TBL1XR1: variants seen among roughly 807,000 people sequenced by gnomAD.
The protein encoded by TBL1XR1 is TBL1X/Y related 1, also known as F-box-like/WD repeat-containing protein TBL1XR1.
TBL1XR1 carries 5 observed loss-of-function variants against 66.9 expected under a neutral mutation model. That is an observed-to-expected ratio of 0.07 (90% CI 0.04 to 0.16). The LOEUF (loss-of-function observed/expected upper bound fraction) is 0.16. Ranked by LOEUF, TBL1XR1 falls within the 10% of genes least tolerant of loss-of-function variation. The pLI, the probability that TBL1XR1 is intolerant of heterozygous loss-of-function variation, is 1.00. For missense variants in TBL1XR1, 238 were observed against 623.2 expected, an observed-to-expected ratio of 0.38 and a Z score of 6.58; for synonymous variants, 210 against 206.0, an observed-to-expected ratio of 1.02 and a Z score of -0.17.
At chr3:177,031,285 T>TA in intron 14 of TBL1XR1, among the ~76,000 whole-genome samples, 1 of 151,790 alleles carries the variant, frequency 6.6e-6, no homozygotes. Context: ...AATATGGGAG[T>TA]AGAGGTAAGG....
At chr3:177,043,551 T>G (rs1040255939) in intron 10 of TBL1XR1, among the ~76,000 whole-genome samples, 10 of 152,178 alleles carry the variant, frequency 6.6e-5, no homozygotes, top group African/African-American at 2.4e-4. Context: ...GCATGGTATT[T>G]ATTTTTACAT....
rs571361204 is a variant in TBL1XR1 at position 177,187,943 on chromosome 3, C to CTTTTTT, written c.-122+9172_-122+9177dup. On this transcript the variant is annotated intron_variant, in intron 1 of 15. Transcript: ENST00000457928. ...GCTTGAGAGTCCAGAGTACAATTTC[C>CTTTTTT]TTTTTTTTTTTTTTTTTTTTTTTTG... Among the ~76,000 whole-genome samples the CTTTTTT allele has an allele frequency of 2.3e-3, 180 of 77,820 alleles. 8 individuals carry two copies. Among genetic ancestry groups the CTTTTTT allele is most frequent in the Middle Eastern group, 0.012 (1 of 86 alleles). The allele number at this position is 77,820 out of a possible 152,430, so 51.1% of individuals were successfully genotyped here.
intron 1 of TBL1XR1, among the ~76,000 whole-genome samples, chr3:177,160,013 A>G (rs1257300386): frequency 6.6e-6 from 1 of 152,234 alleles, no homozygotes; most frequent in Non-Finnish European, 1.5e-5. Context: ...GCAAGGCTAG[A>G]CAGCTAGATT....
At chr3:177,131,762 A>T (rs1284202197) in intron 1 of TBL1XR1, among the ~76,000 whole-genome samples, 1 of 152,142 alleles carries the variant, frequency 6.6e-6, no homozygotes, top group Non-Finnish European at 1.5e-5. Flanking sequence ...TTGGTCTCCC[A>T]AAGTGCTAGG....
chr3:177,175,385 A>G (rs1461326369), intron 1 of TBL1XR1, among the ~76,000 whole-genome samples: 2 of 152,250 alleles, frequency 1.3e-5, no homozygotes, highest in Admixed American at 6.5e-5. Context: ...AGAATGTAAC[A>G]AATGCACCTG....
At chr3:177,153,579 C>A (rs1446518035) in intron 1 of TBL1XR1, among the ~76,000 whole-genome samples, 1 of 152,052 alleles carries the variant, frequency 6.6e-6, no homozygotes, top group Non-Finnish European at 1.5e-5. Context: ...TTTACTTGAA[C>A]ATAGACTGTA....
chr3:177,038,227 G>T, intron 11 of TBL1XR1, 55 bp from the exon 12 acceptor site: 1 of 1,602,088 alleles, frequency 6.2e-7, no homozygotes, highest in South Asian at 1.1e-5. Flanking sequence ...GTAGCTACTT[G>T]AATATTAAAC....
chr3:177,097,745 A>G (rs1723676682), intron 2 of TBL1XR1, among the ~76,000 whole-genome samples: 1 of 152,254 alleles, frequency 6.6e-6, no homozygotes, highest in Non-Finnish European at 1.5e-5. Context: ...AATCTATTTC[A>G]GTGAAATTAT....
chr3:177,141,786 T>C (rs537203030), intron 1 of TBL1XR1, among the ~76,000 whole-genome samples: 192 of 152,306 alleles, frequency 1.3e-3, no homozygotes, highest in African/African-American at 4.1e-3. Flanking sequence ...CTATTCACAA[T>C]AGCCGAAAGT....
chr3:177,064,424 G>C (rs1718897718), intron 3 of TBL1XR1, among the ~76,000 whole-genome samples: 1 of 152,016 alleles, frequency 6.6e-6, no homozygotes, highest in African/African-American at 2.4e-5. Flanking sequence ...AGTTGCAAAT[G>C]GCTTTCAATG....
intron 1 of TBL1XR1, among the ~76,000 whole-genome samples, chr3:177,138,264 A>T (rs1729223619): frequency 6.6e-6 from 1 of 152,162 alleles, no homozygotes; most frequent in Non-Finnish European, 1.5e-5. Context: ...GTGGCAGCTT[A>T]AAGGTAAGGA....
intron 7 of TBL1XR1, 63 bp downstream of exon 7, chr3:177,049,934 T>C (rs1266201583): frequency 1.7e-5 from 26 of 1,561,580 alleles, no homozygotes; most frequent in Non-Finnish European, 2.3e-5. Context: ...CTGCCGTGAG[T>C]ATGAGGCTCT....
chr3:177,195,401 C>T (rs575441095), intron 1 of TBL1XR1, among the ~76,000 whole-genome samples: 88 of 140,362 alleles, frequency 6.3e-4, no homozygotes, highest in Middle Eastern at 4.2e-3. Context: ...ACCATGTTTT[C>T]GGGGAGACAA....
intron 1 of TBL1XR1, among the ~76,000 whole-genome samples, chr3:177,103,607 C>T (rs1362101645): frequency 6.6e-6 from 1 of 152,064 alleles, no homozygotes; most frequent in Non-Finnish European, 1.5e-5. Flanking sequence ...TACTACATTG[C>T]AGTCTCTAGA....
At chr3:177,047,633 G>T in intron 7 of TBL1XR1, 84 bp from the exon 8 acceptor site, 1 of 1,435,252 alleles carries the variant, frequency 7.0e-7, no homozygotes, top group Non-Finnish European at 9.6e-7. Context: ...TTAAATCCCA[G>T]GTACAGAAGA....
At chr3:177,043,089 C>A (rs1308785807) in intron 10 of TBL1XR1, among the ~76,000 whole-genome samples, 1 of 152,112 alleles carries the variant, frequency 6.6e-6, no homozygotes, top group African/African-American at 2.4e-5. Context: ...GTGTGGGTTC[C>A]TGAGTACTTG....
chr3:177,110,015 A>G (rs1197842960), intron 1 of TBL1XR1, among the ~76,000 whole-genome samples: 4 of 152,148 alleles, frequency 2.6e-5, no homozygotes, highest in African/African-American at 9.7e-5. Flanking sequence ...TTTATGTTTT[A>G]GTTACTCTAA....
chr3:177,166,420 G>T (rs1324440566), intron 1 of TBL1XR1, among the ~76,000 whole-genome samples: 1 of 152,162 alleles, frequency 6.6e-6, no homozygotes, highest in East Asian at 1.9e-4. Flanking sequence ...ATACTGATAT[G>T]GTTTGGCTTT....
chr3:177,051,347 T>C (rs149861494), intron 5 of TBL1XR1, among the ~76,000 whole-genome samples, 157 bp downstream of exon 5: 1 of 152,086 alleles, frequency 6.6e-6, no homozygotes, highest in Admixed American at 6.5e-5. Context: ...TATTGGGCAC[T>C]AGGCTTAGTA....
Sources: gnomAD v4.1 joint callset for allele counts (sites outside exome capture counted in the v4.1 genomes callset) on GRCh38, gnomAD v4.1.1 for gene constraint, MANE v1.5 for transcripts, NCBI Gene and HGNC (gene_info 2026-07-23, HGNC 2026-07-21) for gene names.